ZNF680: variants seen among roughly 807,000 people sequenced by gnomAD.
The protein encoded by ZNF680 is hypothetical protein FLJ90430.
In ZNF680, 6 loss-of-function variants were observed where a neutral mutation model predicts 12.1. The observed-to-expected ratio is 0.49, with a 90% CI of 0.27 to 0.98. The LOEUF is 0.98. Ranked by LOEUF, ZNF680 falls within the 50% of genes least tolerant of loss-of-function variation. The pLI, the probability that ZNF680 is intolerant of heterozygous loss-of-function variation, is 0.12. For synonymous variants in ZNF680, 170 were observed against 199.3 expected, an observed-to-expected ratio of 0.85 and a Z score of 1.24; for missense variants, 561 against 616.3, an observed-to-expected ratio of 0.91 and a Z score of 0.95.
chr7:64,520,325 A>T lies in ZNF680; in HGVS notation c.*836T>A, dbSNP rs1417623860. 7.2e-5 allele frequency: 11 copies of T among 151,728 alleles called. No individual in the cohort carries two copies. Among genetic ancestry groups the T allele is most frequent in the Non-Finnish European group, 1.5e-4 (10 of 67,684 alleles). The allele number at this position is 151,728 out of a possible 1,614,324, so 9.4% of individuals were successfully genotyped here. A position where few individuals can be genotyped will look rare whatever the true frequency, so the allele number is the denominator to read the frequency against. ...TTATTTACTTTTCAAATAAGCCATAATTTTTTCAAGAAAAAAAGTATACTT... is the reference window on the plus strand; with the variant it reads ...TTATTTACTTTTCAAATAAGCCATATTTTTTTCAAGAAAAAAAGTATACTT... On this transcript the variant is annotated 3_prime_UTR_variant, in exon 4 of 4. Coordinates refer to ENST00000309683, the MANE Select transcript of ZNF680 (RefSeq NM_178558.5).
At chr7:64,534,528 T>C (rs1786055410) in intron 3 of ZNF680, among the ~76,000 whole-genome samples, 10 of 152,174 alleles carry the variant, frequency 6.6e-5, no homozygotes, top group Admixed American at 6.6e-4. Context: ...CTGGCACAGA[T>C]GCGGTGATCA....
the ZNF680 span, among the ~76,000 whole-genome samples, chr7:64,502,009 T>TC: frequency 1.8e-5 from 2 of 111,114 alleles, no homozygotes; most frequent in African/African-American, 7.4e-5. Flanking sequence ...TTTTTTTTTT[T>TC]TTTTTTTTTT....
chr7:64,499,996 G>A, the ZNF680 span, among the ~76,000 whole-genome samples: 1 of 152,144 alleles, frequency 6.6e-6, no homozygotes, highest in Non-Finnish European at 1.5e-5. Context: ...TAAGCACAAC[G>A]AAGAGACACA....
intron 1 of ZNF680, among the ~76,000 whole-genome samples, chr7:64,558,538 C>G (rs550269820): frequency 2.0e-5 from 3 of 152,184 alleles, no homozygotes; most frequent in South Asian, 2.1e-4. Flanking sequence ...ATGGAAGAAG[C>G]CTTTATACTG....
rs533265351 is a variant in ZNF680 at position 64,542,773 on chromosome 7, A to C, written c.253+934T>G. ...GAGTGCAGTGGTACAATCTCAGCTC[A>C]CTGCAGCCTCCACCTCCTGTGTTAA... On this transcript the variant is annotated intron_variant, in intron 3 of 3. Transcript: ENST00000309683. 1.2e-4 allele frequency among the ~76,000 whole-genome samples: 19 copies of C among 152,310 alleles called. No individual in the cohort carries two copies. In the South Asian group the frequency reaches 3.9e-3, roughly 32 times the overall value.
intron 1 of ZNF680, among the ~76,000 whole-genome samples, chr7:64,559,363 T>C (rs1787598655): frequency 6.6e-6 from 1 of 152,180 alleles, no homozygotes; most frequent in Non-Finnish European, 1.5e-5. Context: ...GTAAGGTACA[T>C]GGATATGCTT....
At position 64,520,157 on chromosome 7, in the gene ZNF680, C is replaced by A. The variant is rs1791453110; in HGVS notation, c.*1004G>T. 6.6e-6 allele frequency: 1 copy of A among 151,752 alleles called. No individual in the cohort carries two copies. The highest frequency in any genetic ancestry group is 2.4e-5 in the African/African-American group (1 of 41,514). 9.4% of individuals were successfully genotyped at this position (151,752 alleles called of 1,614,324 possible). A position where few individuals can be genotyped will look rare whatever the true frequency, so the allele number is the denominator to read the frequency against. On this transcript the variant is annotated 3_prime_UTR_variant, in exon 4 of 4. Transcript: ENST00000309683. Reference sequence around the variant, plus strand: ...AACCTTACATTTTAATGCCCATACTCTTCCACAGAAAAAACCATAAATAAT... The same window carrying A: ...AACCTTACATTTTAATGCCCATACTATTCCACAGAAAAAACCATAAATAAT...
chr7:64,547,138 C>G (rs1254933798), intron 1 of ZNF680, among the ~76,000 whole-genome samples: 2 of 148,804 alleles, frequency 1.3e-5, no homozygotes, highest in African/African-American at 4.9e-5. Context: ...TTATAAATCA[C>G]TTGATAATTT....
At chr7:64,534,485 T>TG (rs1786052713) in intron 3 of ZNF680, among the ~76,000 whole-genome samples, 1 of 152,194 alleles carries the variant, frequency 6.6e-6, no homozygotes, top group African/African-American at 2.4e-5. Flanking sequence ...TTTGCAAGAA[T>TG]GATCATATCA....
chr7:64,544,091 G>A, intron 2 of ZNF680: 1 of 664,488 alleles, frequency 1.5e-6, no homozygotes, highest in Non-Finnish European at 2.4e-6. Flanking sequence ...AATCTAGAGT[G>A]AAGGACATAG....
At chr7:64,525,190 G>A (rs1791771895) in intron 3 of ZNF680, 1 of 152,090 alleles carries the variant, frequency 6.6e-6, no homozygotes, top group Non-Finnish European at 1.5e-5. Context: ...GAGTACAAAG[G>A]TAAAAACGTA....
the ZNF680 span, chr7:64,501,148 G>A: frequency 4.4e-6 from 4 of 907,304 alleles, no homozygotes; most frequent in South Asian, 5.5e-5. Context: ...GTCAGTAACA[G>A]AACACCCTTC....
At chr7:64,507,422 T>C in the ZNF680 span, among the ~76,000 whole-genome samples, 1 of 152,314 alleles carries the variant, frequency 6.6e-6, no homozygotes, top group African/African-American at 2.4e-5. Flanking sequence ...AACAATATAC[T>C]GTGTATTTCA....
downstream of ZNF680, among the ~76,000 whole-genome samples, chr7:64,516,660 A>C (rs1791362271): frequency 6.6e-6 from 1 of 152,154 alleles, no homozygotes; most frequent in Non-Finnish European, 1.5e-5. Context: ...AAAACCACAA[A>C]CTATGCATTT....
chr7:64,502,395 G>A, the ZNF680 span, among the ~76,000 whole-genome samples: 2 of 151,954 alleles, frequency 1.3e-5, no homozygotes, highest in South Asian at 2.1e-4. Flanking sequence ...TTCAGTAGTC[G>A]CCTCCCTAAC....
At position 64,526,261 on chromosome 7, in the gene ZNF680, T is replaced by G. The variant is rs1323149276; in HGVS notation, c.254-3761A>C. The G allele has an allele frequency of 6.2e-6, 7 of 1,131,802 alleles. No homozygotes were observed. The African/African-American group carries it at 1.1e-4, about 18-fold the overall frequency. The allele number at this position is 1,131,802 out of a possible 1,614,324, so 70.1% of individuals were successfully genotyped here. A position where few individuals can be genotyped will look rare whatever the true frequency, so the allele number is the denominator to read the frequency against. On this transcript the variant is annotated intron_variant, in intron 3 of 3. Coordinates refer to ENST00000309683, the MANE Select transcript of ZNF680 (RefSeq NM_178558.5). ...AGGCTAAGAACTTCCCAAATTTTGA[T>G]GCAGTAATAAAATTCCTAACCAAGA...
At chr7:64,547,353 G>C (rs902105671) in intron 1 of ZNF680, among the ~76,000 whole-genome samples, 2 of 152,134 alleles carry the variant, frequency 1.3e-5, no homozygotes, top group Admixed American at 1.3e-4. Context: ...CCATCCTCAA[G>C]TATCATATTC....
chr7:64,526,601 T>C (rs1307002730), intron 3 of ZNF680: 2 of 357,250 alleles, frequency 5.6e-6, no homozygotes, highest in African/African-American at 4.2e-5. Context: ...TAAAACTATA[T>C]ATAAATATAA....
intron 1 of ZNF680, among the ~76,000 whole-genome samples, chr7:64,559,933 C>T (rs1019021577): frequency 9.2e-5 from 14 of 152,020 alleles, no homozygotes; most frequent in African/African-American, 2.9e-4. Flanking sequence ...TAGGAGGTAC[C>T]AAGTTTCATC....
Sources: gnomAD v4.1 joint callset for allele counts (sites outside exome capture counted in the v4.1 genomes callset) on GRCh38, gnomAD v4.1.1 for gene constraint, MANE v1.5 for transcripts, NCBI Gene and HGNC (gene_info 2026-07-23, HGNC 2026-07-21) for gene names.